The following MON2 variants were observed in gnomAD, a reference collection of about 807,000 sequenced individuals.
MON2 encodes the protein MON2 regulator of endosome-to-Golgi trafficking, also known as protein MON2 homolog.
Under a neutral mutation model 208.6 loss-of-function variants are expected in MON2, and 84 were observed. The ratio of observed to expected loss-of-function variants is 0.40; its 90% CI spans 0.34 to 0.48. MON2 has a LOEUF of 0.48. MON2 is among the 20% of genes least tolerant of loss of function. MON2 has a pLI of 0.59. For synonymous variants in MON2, 660 were observed against 694.0 expected, an observed-to-expected ratio of 0.95 and a Z score of 0.77; for missense variants, 1,611 against 2,015.4, an observed-to-expected ratio of 0.80 and a Z score of 3.84.
intron 31 of MON2, among the ~76,000 whole-genome samples, chr12:62,579,376 C>T (rs1038254997): frequency 3.3e-5 from 5 of 151,360 alleles, no homozygotes; most frequent in Non-Finnish European, 7.4e-5. Context: ...GGTTTTTTTC[C>T]TTTAAGTGGG....
intron 8 of MON2, among the ~76,000 whole-genome samples, chr12:62,510,941 T>G (rs756987956): frequency 1.3e-5 from 2 of 152,196 alleles, no homozygotes; most frequent in Non-Finnish European, 2.9e-5. Flanking sequence ...ATAGCAAAGT[T>G]GCAAATATGT....
intron 23 of MON2, among the ~76,000 whole-genome samples, chr12:62,550,876 A>G (rs1051339301): frequency 5.4e-5 from 8 of 147,110 alleles, no homozygotes; most frequent in Non-Finnish European, 1.0e-4. Flanking sequence ...TGTTGATACC[A>G]TCAATAAGCC....
At chr12:62,524,800 C>T (rs186508503) in intron 9 of MON2, among the ~76,000 whole-genome samples, 161 bp downstream of exon 9, 398 of 152,120 alleles carry the variant, frequency 2.6e-3, no homozygotes, top group Middle Eastern at 6.8e-3. Context: ...TCTATAAGGA[C>T]GGGTAGGGCG....
chr12:62,591,790 G>A (rs922339857), intron 34 of MON2, among the ~76,000 whole-genome samples: 1 of 152,052 alleles, frequency 6.6e-6, no homozygotes, highest in African/African-American at 2.4e-5. Context: ...CAGAATCAAA[G>A]CTCTCTACAC....
intron 2 of MON2, among the ~76,000 whole-genome samples, chr12:62,489,519 GT>G (rs1323705948): frequency 1.3e-5 from 2 of 151,894 alleles, no homozygotes; most frequent in East Asian, 3.9e-4. Context: ...AGGCTTTTCA[GT>G]TTTATATAAC....
At chr12:62,511,815 G>A (rs1452170916) in intron 8 of MON2, among the ~76,000 whole-genome samples, 1 of 152,158 alleles carries the variant, frequency 6.6e-6, no homozygotes, top group East Asian at 1.9e-4. Context: ...AGCCAGCAGA[G>A]TTGTATTAGT....
At chr12:62,584,705 C>CAAAAA (rs1226172058) in intron 32 of MON2, among the ~76,000 whole-genome samples, 110 of 71,022 alleles carry the variant, frequency 1.5e-3, no homozygotes, top group Admixed American at 2.5e-3. Flanking sequence ...TCTGTCTCAA[C>CAAAAA]AAAAAAAAAA....
intron 31 of MON2, among the ~76,000 whole-genome samples, chr12:62,579,504 A>G (rs2074923424): frequency 6.6e-6 from 1 of 151,616 alleles, no homozygotes; most frequent in Non-Finnish European, 1.5e-5. Context: ...CAGGCAGACC[A>G]TGAGGTCAGG....
intron 8 of MON2, among the ~76,000 whole-genome samples, chr12:62,520,840 AAT>A (rs566392242): frequency 4.1e-5 from 6 of 146,888 alleles, no homozygotes; most frequent in African/African-American, 9.9e-5. Context: ...TATGTATAAT[AAT>A]ATATATATAT....
intron 29 of MON2, among the ~76,000 whole-genome samples, chr12:62,570,634 C>CATAAGCA (rs1488042284): frequency 6.6e-6 from 1 of 150,988 alleles, no homozygotes; most frequent in Non-Finnish European, 1.5e-5. Flanking sequence ...CAGATGACTG[C>CATAAGCA]ATAAGCAATA....
rs151050035 is a variant in MON2, at chr12:62,480,649, G to A, written c.112-3521G>A. Among the ~76,000 whole-genome samples, 650 of 152,280 alleles carry A rather than the reference G, an allele frequency of 4.3e-3. 7 individuals carry two copies. The highest frequency in any genetic ancestry group is 0.015 in the African/African-American group (617 of 41,552). ...TATTAGACATGTGCACACATTCATG[G>A]TTCAACTCTTATTCATCTCAGGAAA... is the stretch of plus-strand genomic sequence containing the variant. On this transcript the variant is annotated intron_variant, in intron 1 of 34. Transcript: ENST00000393630.
intron 28 of MON2, 141 bp from the exon 29 acceptor site, chr12:62,566,181 C>A: frequency 7.6e-7 from 1 of 1,315,402 alleles, no homozygotes. Context: ...GTACATATCT[C>A]TTTGAAAACT....
At chr12:62,526,689 A>G (rs1592304741) in intron 11 of MON2, among the ~76,000 whole-genome samples, 3 of 152,214 alleles carry the variant, frequency 2.0e-5, no homozygotes, top group Admixed American at 1.3e-4. Context: ...TGCATACTCA[A>G]TAATGTATTA....
rs1169367808 is a variant in MON2, at chr12:62,467,026, A to C, written c.-182A>C. On this transcript the variant is annotated 5_prime_UTR_variant, in exon 1 of 35. Coordinates refer to ENST00000393630, the MANE Select transcript of MON2 (RefSeq NM_015026.3). ...GGGGGGCGCCTCCGAGAAAAGCCAG[A>C]GGTGTTGCGGGGAAGCTGCTGGGGG... 7.6e-6 allele frequency: 4 copies of C among 527,930 alleles called. No homozygotes were observed. The highest frequency in any genetic ancestry group is 6.7e-6 in the Non-Finnish European group (2 of 297,204). 32.7% of individuals were successfully genotyped at this position (527,930 alleles called of 1,614,324 possible).
At chr12:62,523,262 CT>C (rs796127572) in intron 8 of MON2, among the ~76,000 whole-genome samples, 16 of 152,274 alleles carry the variant, frequency 1.1e-4, no homozygotes, top group African/African-American at 3.6e-4. Context: ...TTGCATGGCA[CT>C]TTGTCATGTT....
chr12:62,597,811 G>C lies in MON2; in HGVS notation c.*5062G>C, dbSNP rs896269338. 6.6e-6 allele frequency: 1 copy of C among 152,194 alleles called. No homozygotes were observed. Among genetic ancestry groups the C allele is most frequent in the African/African-American group, 2.4e-5 (1 of 41,446 alleles). The allele number at this position is 152,194 out of a possible 1,614,324, so 9.4% of individuals were successfully genotyped here. ...CCCACACCTGTAATCCCAGCACTTTGGGAAGCCAAGGTGGGAGTATCACTT... is the reference window on the plus strand; with the variant it reads ...CCCACACCTGTAATCCCAGCACTTTCGGAAGCCAAGGTGGGAGTATCACTT... On this transcript the variant is annotated 3_prime_UTR_variant, in exon 35 of 35. Coordinates refer to ENST00000393630, the MANE Select transcript of MON2 (RefSeq NM_015026.3).
At chr12:62,499,196 G>A (rs2070704488) in intron 5 of MON2, 148 bp downstream of exon 5, 1 of 740,322 alleles carries the variant, frequency 1.4e-6, no homozygotes, top group Non-Finnish European at 2.0e-6. Flanking sequence ...ATCCCCTGAG[G>A]AATAGGCTCC....
Position 62,508,472 on chromosome 12 carries a change from A to T in MON2, c.976A>T (p.Ser326Cys). 6.2e-7 allele frequency: 1 copy of T among 1,613,650 alleles called. No homozygotes were observed. The highest frequency in any genetic ancestry group is 1.1e-5 in the South Asian group (1 of 91,058). Residue 326 changes from serine (S) to cysteine (C), a missense_variant, in exon 8 of 35, where the codon AGT becomes TGT. Coordinates refer to ENST00000393630, the MANE Select transcript of MON2 (RefSeq NM_015026.3). ...VVSVLIKQFYSLLVTECEIFL... is the reference protein window; with the variant it reads ...VVSVLIKQFYCLLVTECEIFL... The stretch of plus-strand genomic sequence containing the variant: ...ATCTGTTCTGATTAAGCAGTTTTAC[A>T]GTCTTTTGGTAAGTGCTAATTTCCT...
At chr12:62,501,744 T>C (rs759393562) in intron 7 of MON2, 46 bp downstream of exon 7, 1 of 1,600,562 alleles carries the variant, frequency 6.2e-7, no homozygotes, top group Admixed American at 1.7e-5. Flanking sequence ...CTGAATTGTT[T>C]TACAGATATT....
Sources: gnomAD v4.1 joint callset for allele counts (sites outside exome capture counted in the v4.1 genomes callset) on GRCh38, gnomAD v4.1.1 for gene constraint, MANE v1.5 for transcripts, NCBI Gene and HGNC (gene_info 2026-07-23, HGNC 2026-07-21) for gene names.